The following EDEM1 variants were observed in gnomAD, a reference collection of about 807,000 sequenced individuals.
EDEM1 encodes the protein ER degradation-enhancing alpha-mannosidase-like protein 1.
A neutral mutation model predicts 74.4 loss-of-function variants in EDEM1; 67 were observed. The observed-to-expected ratio is 0.90, with a 90% confidence interval of 0.74 to 1.10. The LOEUF is 1.10. Ranked by LOEUF, EDEM1 falls within the 50% of genes least tolerant of loss-of-function variation. The pLI is 0.00. For missense variants in EDEM1, 926 were observed against 851.6 expected, an observed-to-expected ratio of 1.09 and a Z score of -1.09; for synonymous variants, 382 against 335.9, an observed-to-expected ratio of 1.14 and a Z score of -1.50.
At chr3:5,196,332 C>G (rs1038677001) in intron 2 of EDEM1, among the ~76,000 whole-genome samples, 2 of 152,146 alleles carry the variant, frequency 1.3e-5, no homozygotes, top group African/African-American at 4.8e-5. Flanking sequence ...TGGCGGGCGC[C>G]TGTGGTCCCA....
chr3:5,201,941 G>C lies in EDEM1; in HGVS notation c.858+17G>C. 1 of 1,593,984 alleles carries C rather than the reference G, an allele frequency of 6.3e-7. No individual in the cohort carries two copies. Among genetic ancestry groups the C allele is most frequent in the Non-Finnish European group, 8.5e-7 (1 of 1,173,084 alleles). On this transcript the variant is annotated intron_variant, in intron 4 of 11. Transcript: ENST00000256497. ...TATCCTCGGGTGGGTAGACTGGTTT[G>C]ACCCTTTGTGTTTGACAATTCACTA...
At chr3:5,189,604 T>A (rs1290338265) in intron 1 of EDEM1, 6 of 152,218 alleles carry the variant, frequency 3.9e-5, no homozygotes, top group African/African-American at 1.4e-4. Flanking sequence ...TTTCCAGATT[T>A]TTTGTTTGTT....
chr3:5,195,907 A>AT (rs2054960644), intron 2 of EDEM1, among the ~76,000 whole-genome samples: 1 of 152,258 alleles, frequency 6.6e-6, no homozygotes, highest in African/African-American at 2.4e-5. Flanking sequence ...CACTCAGTAC[A>AT]TGGTGCCATG....
At chr3:5,200,173 C>T (rs935029855) in intron 3 of EDEM1, among the ~76,000 whole-genome samples, 1 of 152,180 alleles carries the variant, frequency 6.6e-6, no homozygotes. Flanking sequence ...CTCAAGTGAT[C>T]CGCCTGCCTT....
intron 9 of EDEM1, among the ~76,000 whole-genome samples, chr3:5,210,456 T>G (rs772011342): frequency 9.2e-5 from 14 of 152,196 alleles, no homozygotes; most frequent in Admixed American, 1.3e-4. Flanking sequence ...TCTAGCAGAT[T>G]ATGGGTGTTC....
rs1018593317 is a variant in EDEM1 at position 5,188,477 on chromosome 3, C to A, written c.509+163C>A. On this transcript the variant is annotated intron_variant, in intron 1 of 11. Transcript: ENST00000256497. ...GTCCCGTGTGAGTCCCTGTGAAGAC[C>A]CCCGAGCTTGAGGGTGCGGGGTGGG... is the stretch of plus-strand genomic sequence containing the variant. 5.1e-6 allele frequency: 4 copies of A among 787,558 alleles called. No homozygotes were observed. The East Asian group carries it at 1.4e-4, about 28-fold the overall frequency. The allele number at this position is 787,558 out of a possible 1,614,324, so 48.8% of individuals were successfully genotyped here. A position where few individuals can be genotyped will look rare whatever the true frequency, so the allele number is the denominator to read the frequency against.
At chr3:5,212,754 C>A (rs1030096546) in intron 10 of EDEM1, among the ~76,000 whole-genome samples, 4 of 152,206 alleles carry the variant, frequency 2.6e-5, no homozygotes, top group Non-Finnish European at 5.9e-5. Flanking sequence ...TCTTTCGTTC[C>A]GTGTCACATG....
At chr3:5,188,384 C>G in intron 1 of EDEM1, 70 bp downstream of exon 1, 1 of 1,327,690 alleles carries the variant, frequency 7.5e-7, no homozygotes, top group Non-Finnish European at 9.6e-7. Context: ...CGGGGTGCAG[C>G]CCTCTGTCCT....
chr3:5,205,293 T>C (rs1041452099), intron 6 of EDEM1, 52 bp downstream of exon 6: 2 of 1,544,986 alleles, frequency 1.3e-6, no homozygotes, highest in Non-Finnish European at 1.8e-6. Context: ...ATAGAATGCA[T>C]TCTGAAGCGT....
In EDEM1 at chr3:5,203,123, T is replaced by C. The variant is rs1218291589; in HGVS notation, c.1016T>C (p.Leu339Pro). Residue 339 changes from leucine (L) to proline (P), a missense_variant, in exon 5 of 12, where the codon CTC (leucine) becomes CCC (proline). Physicochemically the swap from Leu to Pro is moderately conservative, Grantham distance 98. Transcript: ENST00000256497. Reference sequence around the variant, plus strand: ...CGAGCAGTGAAAGCCCTTTGGAACCTCCGGAGCAATGATACAGGATTACTA... The same window carrying C: ...CGAGCAGTGAAAGCCCTTTGGAACCCCCGGAGCAATGATACAGGATTACTA... ...ARRAVKALWN[L>P]RSNDTGLLGN... 1.3e-6 allele frequency: 2 copies of C among 1,597,214 alleles called. No individual in the cohort carries two copies. The highest frequency in any genetic ancestry group is 1.7e-6 in the Non-Finnish European group (2 of 1,172,430).
chr3:5,205,859 GA>G (rs2055090143), intron 6 of EDEM1, among the ~76,000 whole-genome samples: 1 of 151,922 alleles, frequency 6.6e-6, no homozygotes, highest in Admixed American at 6.6e-5. Flanking sequence ...TTCAGTGTGG[GA>G]GGGGGCTGTG....
chr3:5,201,320 A>T lies in EDEM1; in HGVS notation c.687-433A>T, dbSNP rs545401489. Among the ~76,000 whole-genome samples, 430 of 151,434 alleles carry T rather than the reference A, an allele frequency of 2.8e-3. 1 individual carries two copies. The highest frequency in any genetic ancestry group is 6.9e-3 in the Middle Eastern group (2 of 290). On this transcript the variant is annotated intron_variant, in intron 3 of 11. Transcript: ENST00000256497. ...TGGTGTGTGCCACTACATGCGGCTA[A>T]TTTTTTTTATTTTTAATAGAGACAG...
intron 2 of EDEM1, among the ~76,000 whole-genome samples, chr3:5,198,645 G>A (rs1294191048): frequency 7.2e-6 from 1 of 139,392 alleles, no homozygotes; most frequent in African/African-American, 2.6e-5. Flanking sequence ...TAGGTAAATT[G>A]TAAGGGACGT....
In EDEM1 at chr3:5,207,826, A is replaced by G. The variant is rs187225402; in HGVS notation, c.1339-267A>G. On this transcript the variant is annotated intron_variant, in intron 7 of 11. Coordinates refer to ENST00000256497, the MANE Select transcript of EDEM1 (RefSeq NM_014674.3). ...CTGGGCTGTGTGAGATTTTTGGATA[A>G]TCCATCGCTCAGTTGTTTATTCCTT... 1.4e-3 allele frequency among the ~76,000 whole-genome samples: 207 copies of G among 152,238 alleles called. 1 individual carries two copies. Among genetic ancestry groups the G allele is most frequent in the African/African-American group, 4.9e-3 (202 of 41,546 alleles).
At chr3:5,214,851 G>A (rs1313850239) in intron 11 of EDEM1, among the ~76,000 whole-genome samples, 3 of 152,172 alleles carry the variant, frequency 2.0e-5, no homozygotes, top group Non-Finnish European at 2.9e-5. Flanking sequence ...AAGGGCTCCC[G>A]GTTCTGGATA....
Position 5,216,225 on chromosome 3 carries a change from T to A in EDEM1, c.*307T>A, listed in dbSNP as rs2055233814. 2.9e-6 allele frequency: 1 copy of A among 343,752 alleles called. No homozygotes were observed. Among genetic ancestry groups the A allele is most frequent in the Admixed American group, 5.0e-5 (1 of 19,898 alleles). The allele number at this position is 343,752 out of a possible 1,614,324, so 21.3% of individuals were successfully genotyped here. A position where few individuals can be genotyped will look rare whatever the true frequency, so the allele number is the denominator to read the frequency against. On this transcript the variant is annotated 3_prime_UTR_variant, in exon 12 of 12. Coordinates refer to ENST00000256497, the MANE Select transcript of EDEM1 (RefSeq NM_014674.3). The stretch of plus-strand genomic sequence containing the variant: ...CTTTGGATTGATGTTCACAGCTTTA[T>A]ACTTCAGAACCTAAGTCTCTTCACT...
Position 5,217,949 on chromosome 3 carries a change from C to G in EDEM1, c.*2031C>G, listed in dbSNP as rs1326102881. 6.6e-6 allele frequency: 1 copy of G among 152,240 alleles called. No individual in the cohort carries two copies. Among genetic ancestry groups the G allele is most frequent in the Non-Finnish European group, 1.5e-5 (1 of 68,054 alleles). 9.4% of individuals were successfully genotyped at this position (152,240 alleles called of 1,614,324 possible). ...TGTGATTTCTCTTGGCGCTCCCCTC[C>G]TCTCCCGCTCTGGCTTCTGTGGCGG... is the stretch of plus-strand genomic sequence containing the variant. On this transcript the variant is annotated 3_prime_UTR_variant, in exon 12 of 12. Coordinates refer to ENST00000256497, the MANE Select transcript of EDEM1 (RefSeq NM_014674.3).
intron 4 of EDEM1, 112 bp from the exon 5 acceptor site, chr3:5,202,852 ACT>A: frequency 1.2e-6 from 1 of 835,374 alleles, no homozygotes; most frequent in South Asian, 1.7e-5. Flanking sequence ...CAGAGGGCAG[ACT>A]CTCACCGTGG....
At chr3:5,210,506 G>C (rs949522138) in intron 9 of EDEM1, among the ~76,000 whole-genome samples, 1 of 152,026 alleles carries the variant, frequency 6.6e-6, no homozygotes, top group Non-Finnish European at 1.5e-5. Flanking sequence ...TAACATATAC[G>C]CTAAAATGTT....
Sources: gnomAD v4.1 joint callset for allele counts (sites outside exome capture counted in the v4.1 genomes callset) on GRCh38, gnomAD v4.1.1 for gene constraint, MANE v1.5 for transcripts, NCBI Gene and HGNC (gene_info 2026-07-23, HGNC 2026-07-21) for gene names.